Variants in ANK2 observed in about 807,000 individuals in gnomAD.
ANK2 encodes the protein ankyrin 2.
Under a neutral mutation model 360.5 loss-of-function variants are expected in ANK2, and 83 were observed. The observed-to-expected ratio is 0.23, with a 90% CI of 0.19 to 0.28. ANK2 has a LOEUF of 0.28. ANK2 is among the 10% of genes least tolerant of loss of function. The pLI is 1.00. For missense variants in ANK2, 4,201 were observed against 4,795.7 expected (o/e 0.88, Z 3.66); for synonymous variants, 1,740 against 1,759.5 (o/e 0.99, Z 0.28).
At position 113,127,702 on chromosome 4, in the gene ANK2, C is replaced by T. The variant is rs9990583; in HGVS notation, c.85-46714C>T. Among the ~76,000 whole-genome samples the T allele has an allele frequency of 7.7e-3, 1,171 of 152,054 alleles. 17 individuals are homozygous for T. The highest frequency in any genetic ancestry group is 0.027 in the African/African-American group (1,123 of 41,460). On this transcript the variant is annotated intron_variant, in intron 1 of 45. Transcript: ENST00000357077. ...AGGGGTTGGAAATAAAGTTGGAGCACTTACAGAGCAAAGAAGTAGCTGAAC... is the reference window on the plus strand; with the variant it reads ...AGGGGTTGGAAATAAAGTTGGAGCATTTACAGAGCAAAGAAGTAGCTGAAC...
intron 12 of ANK2, 60 bp downstream of exon 12, chr4:113,258,208 C>A (rs2050570737): frequency 3.8e-6 from 6 of 1,577,816 alleles, no homozygotes; most frequent in Non-Finnish European, 5.2e-6. Flanking sequence ...CCTCCCTTTC[C>A]TTTTTCTCAT....
chr4:113,186,461 G>T (rs1275136505), intron 2 of ANK2, among the ~76,000 whole-genome samples: 1 of 151,976 alleles, frequency 6.6e-6, no homozygotes, highest in Non-Finnish European at 1.5e-5. Context: ...AGGGCAAAAA[G>T]GCTGAAAAAA....
chr4:113,256,199 A>C (rs1391292774), intron 11 of ANK2, among the ~76,000 whole-genome samples: 1 of 152,238 alleles, frequency 6.6e-6, no homozygotes. Flanking sequence ...AAACCTTTGG[A>C]GTGATAAGCA....
chr4:113,018,397 C>T (rs551790893), intron 2 of ANK2, among the ~76,000 whole-genome samples: 10 of 152,218 alleles, frequency 6.6e-5, no homozygotes, highest in South Asian at 2.1e-4. Flanking sequence ...GGAACCATCG[C>T]GTAAAGAATC....
chr4:113,167,602 G>A (rs1341416435), intron 1 of ANK2, among the ~76,000 whole-genome samples: 2 of 151,852 alleles, frequency 1.3e-5, no homozygotes, highest in Admixed American at 1.3e-4. Flanking sequence ...GCCCGGCCAG[G>A]TCACCATCTT....
At position 113,292,954 on chromosome 4, in the gene ANK2, A is replaced by G. The variant is rs559470400; in HGVS notation, c.2376+440A>G. The stretch of plus-strand genomic sequence containing the variant: ...TGGGATCCCGAGTGGCCTGGGTTGG[A>G]TGCAGCCCGAATTGCTTGCCTGTGT... On this transcript the variant is annotated intron_variant, in intron 21 of 45. Coordinates refer to ENST00000357077, the MANE Select transcript of ANK2 (RefSeq NM_001148.6). The G allele has an allele frequency of 1.4e-5, 5 of 353,428 alleles. No homozygotes were observed. In the East Asian group the frequency reaches 3.7e-4, roughly 26 times the overall value. 21.9% of individuals were successfully genotyped at this position (353,428 alleles called of 1,614,324 possible).
chr4:112,810,918 T>TTTGC, the ANK2 span, among the ~76,000 whole-genome samples: 1 of 144,946 alleles, frequency 6.9e-6, no homozygotes, highest in African/African-American at 2.6e-5. Context: ...TCAATTTTCT[T>TTTGC]TTTCTTTCTT....
At chr4:113,026,415 A>C (rs2059302794) in intron 2 of ANK2, among the ~76,000 whole-genome samples, 1 of 152,168 alleles carries the variant, frequency 6.6e-6, no homozygotes, top group African/African-American at 2.4e-5. Context: ...GTGCCAGAGA[A>C]CTATGATTTT....
At chr4:113,041,155 A>G (rs1158478988) in intron 2 of ANK2, among the ~76,000 whole-genome samples, 1 of 152,068 alleles carries the variant, frequency 6.6e-6, no homozygotes, top group African/African-American at 2.4e-5. Context: ...TTTATAAGGA[A>G]TGCTCTTTAC....
intron 11 of ANK2, among the ~76,000 whole-genome samples, chr4:113,257,426 T>C (rs29425): frequency 6.6e-6 from 1 of 152,168 alleles, no homozygotes; most frequent in Non-Finnish European, 1.5e-5. Context: ...ATTCGAGAAC[T>C]TAACAGTCAT....
intron 2 of ANK2, among the ~76,000 whole-genome samples, chr4:112,996,333 A>C (rs1401005871): frequency 6.6e-6 from 1 of 152,174 alleles, no homozygotes; most frequent in Non-Finnish European, 1.5e-5. Context: ...ATATATGTTC[A>C]TTATCTTAAC....
upstream of ANK2, among the ~76,000 whole-genome samples, chr4:112,813,434 G>A (rs1421117839): frequency 6.6e-6 from 1 of 151,880 alleles, no homozygotes; most frequent in Non-Finnish European, 1.5e-5. Context: ...AAATCAATGT[G>A]GACAAGCAAT....
At chr4:113,374,477 A>G (rs1428524619) in intron 45 of ANK2, among the ~76,000 whole-genome samples, 1 of 152,204 alleles carries the variant, frequency 6.6e-6, no homozygotes, top group Non-Finnish European at 1.5e-5. Context: ...TTCTTCACAT[A>G]TTATTATGTC....
At position 112,818,977 on chromosome 4, in the gene ANK2, G is replaced by GT. The variant is rs565694024; in HGVS notation, c.-40+720dup. Among the ~76,000 whole-genome samples, 5 of 151,992 alleles carry GT rather than the reference G, an allele frequency of 3.3e-5. No homozygotes were observed. In the South Asian group the frequency reaches 8.3e-4, roughly 25 times the overall value. ...TAACAGATACAGATTTCTGAGCAGT[G>GT]TTTTTTTGTTTGTTTGTTTGTTCTT... On this transcript the variant is annotated intron_variant, in intron 1 of 30. Coordinates refer to the ANK2 transcript ENST00000503271.
chr4:112,966,959 G>A (rs1015938080), intron 2 of ANK2, among the ~76,000 whole-genome samples: 1 of 152,156 alleles, frequency 6.6e-6, no homozygotes, highest in Admixed American at 6.5e-5. Flanking sequence ...AGCATGTCAA[G>A]CAAATTGCTG....
At chr4:113,057,349 C>G (rs1341163000) in intron 1 of ANK2, among the ~76,000 whole-genome samples, 1 of 152,036 alleles carries the variant, frequency 6.6e-6, no homozygotes, top group African/African-American at 2.4e-5. Context: ...AGTACAGAGC[C>G]GTAAGTTATG....
chr4:112,713,130 AT>A, the ANK2 span, among the ~76,000 whole-genome samples: 1 of 152,172 alleles, frequency 6.6e-6, no homozygotes, highest in Admixed American at 6.5e-5. Context: ...TTTAAAATTG[AT>A]TTTTTTCAAT....
chr4:113,267,270 C>T (rs1316943424), intron 14 of ANK2, among the ~76,000 whole-genome samples: 1 of 152,086 alleles, frequency 6.6e-6, no homozygotes, highest in African/African-American at 2.4e-5. Context: ...TCCCATTTGT[C>T]AATTTTGGTT....
intron 2 of ANK2, among the ~76,000 whole-genome samples, chr4:113,028,687 G>T (rs2059769114): frequency 6.6e-6 from 1 of 152,076 alleles, no homozygotes; most frequent in Admixed American, 6.6e-5. Context: ...TTTATAAATT[G>T]ACCTTGTCCT....
Sources: allele counts gnomAD v4.1 joint callset (sites outside exome capture counted in the v4.1 genomes callset), GRCh38; gene constraint gnomAD v4.1.1; transcripts MANE v1.5; gene names NCBI Gene and HGNC (gene_info 2026-07-23, HGNC 2026-07-21).